The following TMEM178B variants were observed in gnomAD, a reference collection of about 807,000 sequenced individuals.
TMEM178B encodes transmembrane protein 178B.
TMEM178B carries 5 observed loss-of-function variants against 31.0 expected under a neutral mutation model. The ratio of observed to expected loss-of-function variants is 0.16; its 90% CI spans 0.08 to 0.34. TMEM178B has a LOEUF of 0.34. Among genes scored for constraint, TMEM178B ranks in the 10% least tolerant of loss-of-function variants. The pLI is 1.00. For synonymous variants in TMEM178B, 164 were observed against 164.0 expected (o/e 1.00, Z 0.00); for missense variants, 275 against 400.3 (o/e 0.69, Z 2.67).
In TMEM178B at chr7:141,344,602, T is replaced by TCCTTCCTC. The variant is rs1799582623; in HGVS notation, c.497-92999_497-92998insCCCTTCCT. On this transcript the variant is annotated intron_variant, in intron 2 of 3. Transcript: ENST00000565468. The surrounding 1 kb of genome is among the most constrained non-coding windows in gnomAD (Gnocchi z 4.1). ...TTCCTTCCTTCCTTCCTTCCTTCCT[T>TCCTTCCTC]CCTTCCTTCCTTCCTTCCTTCCTTC... Among the ~76,000 whole-genome samples, 1 of 149,648 alleles carries TCCTTCCTC rather than the reference T, an allele frequency of 6.7e-6. No individual in the cohort carries two copies. Among genetic ancestry groups the TCCTTCCTC allele is most frequent in the Non-Finnish European group, 1.5e-5 (1 of 67,566 alleles).
At chr7:141,321,825 T>C (rs1473537888) in intron 2 of TMEM178B, among the ~76,000 whole-genome samples, 2 of 149,900 alleles carry the variant, frequency 1.3e-5, no homozygotes, top group East Asian at 2.0e-4. Flanking sequence ...TTGTCCAACA[T>C]TAAAAAAAAA....
At chr7:141,450,237 G>T (rs866324387) in intron 3 of TMEM178B, among the ~76,000 whole-genome samples, 1 of 152,238 alleles carries the variant, frequency 6.6e-6, no homozygotes, top group African/African-American at 2.4e-5. Flanking sequence ...CCAAGATCTG[G>T]CTGTGAAGGA....
At chr7:141,258,018 AG>A (rs1237111062) in intron 2 of TMEM178B, among the ~76,000 whole-genome samples, 1 of 151,574 alleles carries the variant, frequency 6.6e-6, no homozygotes, top group Non-Finnish European at 1.5e-5. Context: ...GTGTTTTTTT[AG>A]TAGTTTCTCT....
chr7:141,137,069 T>C (rs1795686635), intron 1 of TMEM178B, among the ~76,000 whole-genome samples: 1 of 151,872 alleles, frequency 6.6e-6, no homozygotes, highest in East Asian at 1.9e-4. Flanking sequence ...AAATGCTGGG[T>C]TGGGGGGATG....
At chr7:141,186,245 G>A (rs1001728168) in intron 1 of TMEM178B, among the ~76,000 whole-genome samples, 2 of 152,198 alleles carry the variant, frequency 1.3e-5, no homozygotes, top group Non-Finnish European at 2.9e-5. Flanking sequence ...CAAGCAGGTG[G>A]TGCCAATAGC....
chr7:141,219,435 C>T lies in TMEM178B; in HGVS notation c.496+6731C>T, dbSNP rs370869551. 3.8e-3 allele frequency among the ~76,000 whole-genome samples: 579 copies of T among 152,264 alleles called. 3 individuals are homozygous for T. Among genetic ancestry groups the T allele is most frequent in the Non-Finnish European group, 6.1e-3 (415 of 68,016 alleles). On this transcript the variant is annotated intron_variant, in intron 2 of 3. Coordinates refer to ENST00000565468, the MANE Select transcript of TMEM178B (RefSeq NM_001195278.2). ...GCCAGTATGAGGCTCTTACTGTTTG[C>T]GATCTGTTGTTAGCTGCCTCTTGCT...
intron 2 of TMEM178B, among the ~76,000 whole-genome samples, chr7:141,215,773 CT>C: frequency 6.9e-6 from 1 of 144,360 alleles, no homozygotes; most frequent in African/African-American, 2.6e-5. Context: ...GAATTATATA[CT>C]TTCCTTTCTT....
At chr7:141,402,178 A>G (rs1800793367) in intron 2 of TMEM178B, among the ~76,000 whole-genome samples, 1 of 152,178 alleles carries the variant, frequency 6.6e-6, no homozygotes, top group African/African-American at 2.4e-5. Context: ...AGGGTTACAA[A>G]GGAGGAGCCG....
chr7:141,228,706 G>C (rs1214305553), intron 2 of TMEM178B, among the ~76,000 whole-genome samples: 2 of 152,188 alleles, frequency 1.3e-5, no homozygotes, highest in Admixed American at 1.3e-4. Flanking sequence ...ACCAATGGGT[G>C]AATGAAGATA....
chr7:141,449,491 T>A (rs2116699910), intron 3 of TMEM178B, among the ~76,000 whole-genome samples: 1 of 152,286 alleles, frequency 6.6e-6, no homozygotes, highest in African/African-American at 2.4e-5. Context: ...CAATCCTTGA[T>A]GGCTGAGATG....
At chr7:141,306,645 C>G (rs1356223048) in intron 2 of TMEM178B, among the ~76,000 whole-genome samples, 1 of 147,920 alleles carries the variant, frequency 6.8e-6, no homozygotes, top group Admixed American at 6.7e-5. Context: ...TCTGGTCTCT[C>G]TGGTCTCCTT....
At chr7:141,104,231 T>C (rs1795103841) in intron 1 of TMEM178B, among the ~76,000 whole-genome samples, 1 of 152,178 alleles carries the variant, frequency 6.6e-6, no homozygotes, top group Non-Finnish European at 1.5e-5. Flanking sequence ...TGACGGCATG[T>C]GGGCTGTCCT....
At chr7:141,261,329 G>A (rs1355722209) in intron 2 of TMEM178B, among the ~76,000 whole-genome samples, 1 of 149,418 alleles carries the variant, frequency 6.7e-6, no homozygotes, top group African/African-American at 2.5e-5. Context: ...TTTTTTTATT[G>A]TCTCCCAAAG....
chr7:141,189,667 G>A (rs541650202), intron 1 of TMEM178B, among the ~76,000 whole-genome samples: 3 of 152,322 alleles, frequency 2.0e-5, no homozygotes, highest in Admixed American at 6.5e-5. Context: ...GGCAGAGTTC[G>A]TGGTGGCAGT....
intron 2 of TMEM178B, among the ~76,000 whole-genome samples, chr7:141,250,018 C>T (rs1797804179): frequency 6.6e-6 from 1 of 152,104 alleles, no homozygotes; most frequent in African/African-American, 2.4e-5. Context: ...AAATAAAACT[C>T]CCAAAATGAA....
rs1040978376 is a variant in TMEM178B at position 141,074,767 on chromosome 7, T to TC, written c.382+78dup. Reference sequence around the variant, plus strand: ...GGCCCCGCAGCCCCTCGCGTCTCCTTCCCAGGCCACAGGCTATCAGGTCTC... The same window carrying TC: ...GGCCCCGCAGCCCCTCGCGTCTCCTTCCCCAGGCCACAGGCTATCAGGTCTC... On this transcript the variant is annotated intron_variant, in intron 1 of 3. Transcript: ENST00000565468. The surrounding 1 kb of genome is among the most constrained non-coding windows in gnomAD (Gnocchi z 5.1). 1 of 1,433,612 alleles carries TC rather than the reference T, an allele frequency of 7.0e-7. No individual in the cohort carries two copies. The highest frequency in any genetic ancestry group is 1.4e-5 in the African/African-American group (1 of 69,574). 88.8% of individuals were successfully genotyped at this position (1,433,612 alleles called of 1,614,324 possible).
At chr7:141,242,126 C>G (rs1283672516) in intron 2 of TMEM178B, among the ~76,000 whole-genome samples, 1 of 152,068 alleles carries the variant, frequency 6.6e-6, no homozygotes, top group Non-Finnish European at 1.5e-5. Context: ...TATTCATGCT[C>G]CTATTAATAG....
At chr7:141,111,339 C>T (rs912248710) in intron 1 of TMEM178B, among the ~76,000 whole-genome samples, 2 of 152,154 alleles carry the variant, frequency 1.3e-5, no homozygotes, top group Non-Finnish European at 2.9e-5. Context: ...CCCACTGGGT[C>T]CCTCCCATGA....
chr7:141,300,673 G>A (rs771095434), intron 2 of TMEM178B, among the ~76,000 whole-genome samples: 7 of 152,064 alleles, frequency 4.6e-5, no homozygotes, highest in Non-Finnish European at 1.0e-4. Flanking sequence ...AACCTGGAGA[G>A]TGGGGGAAAG....
Sources: gnomAD v4.1 joint callset for allele counts (sites outside exome capture counted in the v4.1 genomes callset) on GRCh38, gnomAD v4.1.1 for gene constraint, Gnocchi (gnomAD v3.1) non-coding constraint, MANE v1.5 for transcripts, NCBI Gene and HGNC (gene_info 2026-07-23, HGNC 2026-07-21) for gene names.